MB: variants seen among roughly 807,000 people sequenced by gnomAD.
MB encodes nitrite reductase MB.
A neutral mutation model predicts 14.5 loss-of-function variants in MB; 10 were observed. The ratio of observed to expected loss-of-function variants is 0.69; its 90% confidence interval spans 0.43 to 1.17. The LOEUF (loss-of-function observed/expected upper bound fraction) is 1.17, where lower values mean the gene tolerates loss of function less well. Among genes scored for constraint, MB ranks in the 50% most tolerant of loss-of-function variants. The pLI is 0.00. For synonymous variants in MB, 89 were observed against 78.6 expected (o/e 1.13, Z -0.70); for missense variants, 169 against 192.7 (o/e 0.88, Z 0.73).
At chr22:35,620,051 G>A (rs2145927141), upstream of MB, among the ~76,000 whole-genome samples, 1 of 152,308 alleles carries the variant, frequency 6.6e-6, no homozygotes, top group East Asian at 1.9e-4. Flanking sequence ...AAATGCCATG[G>A]GGGGCCGGGC....
intron 1 of MB, among the ~76,000 whole-genome samples, chr22:35,615,151 T>G (rs915598350): frequency 1.3e-5 from 2 of 152,146 alleles, no homozygotes; most frequent in African/African-American, 2.4e-5. Flanking sequence ...AATCAGAAGA[T>G]TGGAGACATA....
At chr22:35,609,271 T>C (rs1922391935) in intron 2 of MB, among the ~76,000 whole-genome samples, 1 of 151,932 alleles carries the variant, frequency 6.6e-6, no homozygotes, top group African/African-American at 2.4e-5. Context: ...TGACCGGAGA[T>C]GAAGATAAAG....
chr22:35,614,603 G>A (rs1922919438), intron 1 of MB, among the ~76,000 whole-genome samples: 1 of 152,100 alleles, frequency 6.6e-6, no homozygotes, highest in African/African-American at 2.4e-5. Context: ...TCTGTTAAAT[G>A]TGGTGATCAT....
upstream of MB, among the ~76,000 whole-genome samples, chr22:35,620,782 C>T (rs1271962999): frequency 1.3e-5 from 2 of 152,188 alleles, no homozygotes; most frequent in South Asian, 2.1e-4. Flanking sequence ...CTGATTACTA[C>T]CCGAATCCCA....
intron 1 of MB, 45 bp downstream of exon 1, chr22:35,617,118 T>C: frequency 1.4e-6 from 2 of 1,453,600 alleles, no homozygotes; most frequent in Non-Finnish European, 1.9e-6. Flanking sequence ...ACACCCTTGA[T>C]CTTAGGGTGT....
At chr22:35,621,753 T>C (rs530114435), upstream of MB, among the ~76,000 whole-genome samples, 1 of 152,288 alleles carries the variant, frequency 6.6e-6, no homozygotes, top group South Asian at 2.1e-4. Context: ...TGAGTCTGCC[T>C]CACAAGAGAA....
At chr22:35,607,593 C>A (rs531221501) in intron 2 of MB, 150 bp from the exon 3 acceptor site, 1 of 676,678 alleles carries the variant, frequency 1.5e-6, no homozygotes, top group East Asian at 2.8e-5. Context: ...GTGATCTCCA[C>A]GGATGAACCC....
intron 2 of MB, among the ~76,000 whole-genome samples, chr22:35,609,060 G>A (rs914681619): frequency 1.3e-5 from 2 of 152,164 alleles, no homozygotes; most frequent in Non-Finnish European, 2.9e-5. Flanking sequence ...TGGCCAACTG[G>A]TTGTGATATC....
chr22:35,607,287 C>G lies in MB; in HGVS notation c.*10G>C, dbSNP rs113313780. The G allele has an allele frequency of 6.2e-7, 1 of 1,607,288 alleles. No individual in the cohort carries two copies. The highest frequency in any genetic ancestry group is 8.5e-7 in the Non-Finnish European group (1 of 1,175,138). On this transcript the variant is annotated 3_prime_UTR_variant, in exon 3 of 3. Transcript: ENST00000397326. ...GGGCCCAGATGGGTGGGGGTGGGAGCGGCAGGGGCCTAGCCCTGGAAGCCC... is the reference window on the plus strand; with the variant it reads ...GGGCCCAGATGGGTGGGGGTGGGAGGGGCAGGGGCCTAGCCCTGGAAGCCC...
chr22:35,622,320 G>A (rs145939449), upstream of MB, among the ~76,000 whole-genome samples: 19 of 148,644 alleles, frequency 1.3e-4, no homozygotes, highest in East Asian at 2.7e-3. Flanking sequence ...CTGGACCAGC[G>A]CCAGGCCAGG....
At position 35,610,888 on chromosome 22, in the gene MB, A is replaced by G; in HGVS notation, c.314T>C (p.Leu105Pro). Residue 105 changes from leucine to proline, a missense_variant, in exon 2 of 3, where the codon CTG becomes CCG. Coordinates refer to ENST00000397326, the MANE Select transcript of MB (RefSeq NM_005368.3). The stretch of plus-strand genomic sequence containing the variant: ...CTGCCCAGGCTCTGCTCCTACCTCC[A>G]GGTACTTCACGGGGATCTTGTGCTT... ...ATKHKIPVKY[L>P]EFISECIIQV... 7 of 1,613,138 alleles carry G rather than the reference A, an allele frequency of 4.3e-6. No individual in the cohort carries two copies. The highest frequency in any genetic ancestry group is 2.2e-5 in the East Asian group (1 of 44,832).
upstream of MB, among the ~76,000 whole-genome samples, chr22:35,618,367 T>C (rs961164828): frequency 1.3e-5 from 2 of 152,224 alleles, no homozygotes; most frequent in Non-Finnish European, 2.9e-5. Context: ...TAAATGTTTA[T>C]TGAGTAAATG....
Position 35,610,763 on chromosome 22 carries a change from A to G in MB, c.318+121T>C, listed in dbSNP as rs1009664730. On this transcript the variant is annotated intron_variant, in intron 2 of 2. Coordinates refer to ENST00000397326, the MANE Select transcript of MB (RefSeq NM_005368.3). ...TTTACAAATGAGAAACCTGGGGCAC[A>G]GAGAAGAGTGGCATAGGTCATCCCA... 2.0e-5 allele frequency: 15 copies of G among 738,800 alleles called. No homozygotes were observed. The African/African-American group carries it at 2.3e-4, about 11-fold the overall frequency. 45.8% of individuals were successfully genotyped at this position (738,800 alleles called of 1,614,324 possible). A position where few individuals can be genotyped will look rare whatever the true frequency, so the allele number is the denominator to read the frequency against.
In MB at chr22:35,607,172, C is replaced by G; in HGVS notation, c.*125G>C. ...CACCCCAGCCCCAGCCCCTCAGCTCCTCCTGCCCACCTCTACTAAACAAAG... is the reference window on the plus strand; with the variant it reads ...CACCCCAGCCCCAGCCCCTCAGCTCGTCCTGCCCACCTCTACTAAACAAAG... On this transcript the variant is annotated 3_prime_UTR_variant, in exon 3 of 3. Transcript: ENST00000397326. 1 of 1,188,412 alleles carries G rather than the reference C, an allele frequency of 8.4e-7. No homozygotes were observed. The highest frequency in any genetic ancestry group is 1.2e-6 in the Non-Finnish European group (1 of 860,214). The allele number at this position is 1,188,412 out of a possible 1,614,324, so 73.6% of individuals were successfully genotyped here.
chr22:35,614,488 C>CAAA lies in MB; in HGVS notation c.95+2672_95+2674dup, dbSNP rs34697597. ...CTGTAATCCCAGCAAGACTCCATCT[C>CAAA]AAAAAAAAAAAAAAGGAGCAAGGAT... is the stretch of plus-strand genomic sequence containing the variant. On this transcript the variant is annotated intron_variant, in intron 1 of 2. Coordinates refer to ENST00000397326, the MANE Select transcript of MB (RefSeq NM_005368.3). Among the ~76,000 whole-genome samples the CAAA allele has an allele frequency of 9.9e-3, 1,402 of 141,224 alleles. 21 individuals are homozygous for CAAA. The highest frequency in any genetic ancestry group is 0.034 in the African/African-American group (1,286 of 38,246). The allele number at this position is 141,224 out of a possible 152,430, so 92.6% of individuals were successfully genotyped here.
upstream of MB, among the ~76,000 whole-genome samples, chr22:35,619,789 G>A (rs1302756744): frequency 6.6e-6 from 1 of 152,232 alleles, no homozygotes. Flanking sequence ...GGTCTCTAAA[G>A]CCTGGCTGGT....
chr22:35,618,453 A>G (rs546924024), upstream of MB, among the ~76,000 whole-genome samples: 11 of 152,302 alleles, frequency 7.2e-5, no homozygotes, highest in Non-Finnish European at 1.5e-4. Context: ...CCTTCAATCC[A>G]TTCAGGTATT....
In MB at chr22:35,617,301, G is replaced by C. The variant is rs963445726; in HGVS notation, c.-44C>G. 2 of 1,506,992 alleles carry C rather than the reference G, an allele frequency of 1.3e-6. No homozygotes were observed. The highest frequency in any genetic ancestry group is 1.8e-6 in the Non-Finnish European group (2 of 1,083,276). 93.4% of individuals were successfully genotyped at this position (1,506,992 alleles called of 1,614,324 possible). On this transcript the variant is annotated 5_prime_UTR_variant, in exon 1 of 3. Transcript: ENST00000397326. ...CAAAAAGAGCAAGTATGGGCTCACT[G>C]GGTGTCCTGGCCCCAACAGCTGGGG...
upstream of MB, among the ~76,000 whole-genome samples, chr22:35,621,096 A>G (rs189358617): frequency 3.2e-4 from 49 of 152,276 alleles, 1 homozygote; most frequent in African/African-American, 9.4e-4. Flanking sequence ...TTTGGGGGCT[A>G]TTATTATCCC....
Sources: gnomAD v4.1 joint callset for allele counts (sites outside exome capture counted in the v4.1 genomes callset) on GRCh38, gnomAD v4.1.1 for gene constraint, MANE v1.5 for transcripts, NCBI Gene and HGNC (gene_info 2026-07-23, HGNC 2026-07-21) for gene names.